Variants in EPHA5 observed in about 807,000 individuals in gnomAD.
EPHA5 encodes ephrin type-A receptor 5.
EPHA5 carries 60 observed loss-of-function variants against 105.0 expected under a neutral mutation model. The ratio of observed to expected loss-of-function variants is 0.57; its 90% CI spans 0.46 to 0.71. The LOEUF (loss-of-function observed/expected upper bound fraction) is 0.71. EPHA5 is among the 30% of genes least tolerant of loss of function. The pLI, the probability that EPHA5 is intolerant of heterozygous loss-of-function variation, is 0.00. For missense variants in EPHA5, 1,218 were observed against 1,274.7 expected (o/e 0.96, Z 0.68); for synonymous variants, 513 against 449.1 (o/e 1.14, Z -1.80).
intron 2 of EPHA5, among the ~76,000 whole-genome samples, chr4:65,641,789 A>T (rs1747692141): frequency 6.6e-6 from 1 of 152,090 alleles, no homozygotes; most frequent in African/African-American, 2.4e-5. Context: ...TTTGAAAAGG[A>T]TCCTTATTGT....
At chr4:65,375,786 T>TACAC (rs72454890) in intron 8 of EPHA5, among the ~76,000 whole-genome samples, 6,925 of 132,484 alleles carry the variant, frequency 0.052, 187 homozygotes, top group Middle Eastern at 0.08. Context: ...CACACACACA[T>TACAC]ACACACACAC....
chr4:65,613,955 C>T (rs1052905496), intron 2 of EPHA5, among the ~76,000 whole-genome samples: 3 of 151,700 alleles, frequency 2.0e-5, no homozygotes, highest in Non-Finnish European at 4.4e-5. Flanking sequence ...TATCAACAAT[C>T]GATATATTTT....
chr4:65,406,110 A>C (rs1304637651), intron 7 of EPHA5, among the ~76,000 whole-genome samples: 1 of 152,078 alleles, frequency 6.6e-6, no homozygotes, highest in Non-Finnish European at 1.5e-5. Flanking sequence ...GAAATGCTAA[A>C]CTTTCAAAGA....
At chr4:65,553,801 G>C (rs1738143779) in intron 3 of EPHA5, among the ~76,000 whole-genome samples, 1 of 151,928 alleles carries the variant, frequency 6.6e-6, no homozygotes, top group Non-Finnish European at 1.5e-5. Context: ...TATATGGAGA[G>C]AGTCACAGTT....
intron 8 of EPHA5, among the ~76,000 whole-genome samples, chr4:65,395,693 T>G (rs1194912027): frequency 6.6e-6 from 1 of 152,224 alleles, no homozygotes; most frequent in East Asian, 1.9e-4. Context: ...AGCAGTTTTA[T>G]GTCCAGGTAC....
chr4:65,644,020 T>C (rs1747901900), intron 1 of EPHA5, among the ~76,000 whole-genome samples: 2 of 152,042 alleles, frequency 1.3e-5, no homozygotes, highest in Admixed American at 1.3e-4. Flanking sequence ...CTTGAGATAG[T>C]TGATATACTT....
chr4:65,465,047 A>G (rs1034730342), intron 5 of EPHA5, among the ~76,000 whole-genome samples: 1 of 152,126 alleles, frequency 6.6e-6, no homozygotes, highest in Admixed American at 6.5e-5. Context: ...TTTCCAGAAA[A>G]TTGAAATTTC....
rs550982153 is a variant in EPHA5, at chr4:65,335,927, T to C, written c.2789+5A>G. 2.7e-5 allele frequency: 43 copies of C among 1,603,456 alleles called. No homozygotes were observed. The South Asian group carries it at 4.6e-4, about 17-fold the overall frequency. On this transcript the variant is annotated splice_donor_5th_base_variant and intron_variant, in intron 15 of 16. Transcript: ENST00000613740. ...CTGGAAAATCACTCGGATCTGGCCT[T>C]GTACCTGCAGGATGCATTAACCAGC...
intron 2 of EPHA5, among the ~76,000 whole-genome samples, chr4:65,615,202 C>A (rs1745123119): frequency 6.6e-6 from 1 of 151,412 alleles, no homozygotes; most frequent in Non-Finnish European, 1.5e-5. Flanking sequence ...ATGAAAGTCT[C>A]AAAAGAAGGA....
At chr4:65,552,128 T>C (rs1737980954) in intron 3 of EPHA5, among the ~76,000 whole-genome samples, 1 of 152,196 alleles carries the variant, frequency 6.6e-6, no homozygotes, top group Admixed American at 6.6e-5. Context: ...TGTCCGGCCC[T>C]GTGGCCTGAT....
intron 5 of EPHA5, among the ~76,000 whole-genome samples, chr4:65,440,714 G>A (rs1188070731): frequency 6.6e-6 from 1 of 152,038 alleles, no homozygotes; most frequent in Non-Finnish European, 1.5e-5. Context: ...GGGGGCCTTT[G>A]AGGAGGAGCG....
At chr4:65,634,785 G>A (rs1313047354) in intron 2 of EPHA5, among the ~76,000 whole-genome samples, 1 of 151,300 alleles carries the variant, frequency 6.6e-6, no homozygotes, top group East Asian at 1.9e-4. Context: ...ATCTTTATTA[G>A]CCCCTTCATG....
intron 13 of EPHA5, among the ~76,000 whole-genome samples, chr4:65,348,697 T>TATATATAA (rs1434874583): frequency 6.1e-4 from 15 of 24,408 alleles, no homozygotes; most frequent in African/African-American, 1.7e-3. Flanking sequence ...TATATATATA[T>TATATATAA]AAAATATATA....
intron 8 of EPHA5, among the ~76,000 whole-genome samples, chr4:65,391,501 T>C (rs1720713840): frequency 6.6e-6 from 1 of 152,122 alleles, no homozygotes; most frequent in South Asian, 2.1e-4. Context: ...CAACAATGAG[T>C]ATACTTCCAG....
rs562552200 is a variant in EPHA5 at position 65,498,849 on chromosome 4, A to G, written c.911-3306T>C. The stretch of plus-strand genomic sequence containing the variant: ...AAACCTGTGTGGTTCAATATTATCC[A>G]AGAAAAATGTCATAAACTGTAATTA... On this transcript the variant is annotated intron_variant, in intron 3 of 16. Coordinates refer to ENST00000613740, the MANE Select transcript of EPHA5 (RefSeq NM_001281766.3). Among the ~76,000 whole-genome samples, 24 of 151,906 alleles carry G rather than the reference A, an allele frequency of 1.6e-4. No individual in the cohort carries two copies. In the East Asian group the frequency reaches 3.9e-3, roughly 24 times the overall value.
chr4:65,520,879 G>A (rs1734631167), intron 3 of EPHA5, among the ~76,000 whole-genome samples: 2 of 152,102 alleles, frequency 1.3e-5, no homozygotes, highest in South Asian at 2.1e-4. Context: ...GAAATAACAG[G>A]TGCTGGAGAG....
intron 6 of EPHA5, among the ~76,000 whole-genome samples, chr4:65,420,142 C>T (rs963613812): frequency 2.0e-5 from 3 of 152,102 alleles, no homozygotes; most frequent in African/African-American, 7.2e-5. Flanking sequence ...AAGTCTATAG[C>T]TTAAGTATTT....
At chr4:65,665,768 A>G (rs1749914502) in intron 1 of EPHA5, among the ~76,000 whole-genome samples, 1 of 152,190 alleles carries the variant, frequency 6.6e-6, no homozygotes. Context: ...GTCTACCTCA[A>G]AAGGAGCTTA....
intron 5 of EPHA5, among the ~76,000 whole-genome samples, chr4:65,428,073 G>C (rs1008811161): frequency 1.1e-4 from 16 of 151,970 alleles, no homozygotes; most frequent in African/African-American, 3.9e-4. Context: ...GTCTTCTGTA[G>C]CTGGTTTAAT....
Sources: gnomAD v4.1 joint callset for allele counts (sites outside exome capture counted in the v4.1 genomes callset) on GRCh38, gnomAD v4.1.1 for gene constraint, MANE v1.5 for transcripts, NCBI Gene and HGNC (gene_info 2026-07-23, HGNC 2026-07-21) for gene names.